Variants in PTPRE observed in about 807,000 individuals in gnomAD.
PTPRE encodes protein tyrosine phosphatase receptor type E.
A neutral mutation model predicts 102.0 loss-of-function variants in PTPRE; 51 were observed. The observed-to-expected ratio is 0.50, with a 90% CI of 0.40 to 0.63. PTPRE has a LOEUF of 0.63. Ranked by LOEUF, PTPRE falls within the 30% of genes least tolerant of loss-of-function variation. The pLI, the probability that PTPRE is intolerant of heterozygous loss-of-function variation, is 0.00. For missense variants in PTPRE, 752 were observed against 915.1 expected (o/e 0.82, Z 2.30); for synonymous variants, 345 against 348.2 (o/e 0.99, Z 0.10).
intron 2 of PTPRE, among the ~76,000 whole-genome samples, chr10:128,012,217 C>T (rs1007573985): frequency 6.6e-6 from 1 of 152,206 alleles, no homozygotes; most frequent in South Asian, 2.1e-4. Flanking sequence ...TGTTGGGGCT[C>T]TTTTCAGAGT....
chr10:127,937,589 T>C (rs1052553853), intron 1 of PTPRE, among the ~76,000 whole-genome samples: 1 of 152,218 alleles, frequency 6.6e-6, no homozygotes, highest in Non-Finnish European at 1.5e-5. Flanking sequence ...CTGGGCGTGG[T>C]GGCTCATGCC....
At chr10:128,071,619 C>G (rs1850775847) in intron 15 of PTPRE, 1 of 155,312 alleles carries the variant, frequency 6.4e-6, no homozygotes, top group African/African-American at 2.4e-5. Context: ...GGGAGATGCC[C>G]CGCTTGGGAG....
rs1326149988 is a variant in PTPRE at position 128,008,700 on chromosome 10, G to A, written c.-8+26404G>A. Among the ~76,000 whole-genome samples, 1 of 152,190 alleles carries A rather than the reference G, an allele frequency of 6.6e-6. No individual in the cohort carries two copies. Among genetic ancestry groups the A allele is most frequent in the Non-Finnish European group, 1.5e-5 (1 of 68,034 alleles). On this transcript the variant is annotated intron_variant, in intron 2 of 20. Coordinates refer to ENST00000254667, the MANE Select transcript of PTPRE (RefSeq NM_006504.6). The surrounding 1 kb of genome is among the most constrained non-coding windows in gnomAD (Gnocchi z 4.0). Reference sequence around the variant, plus strand: ...GTAATTCCGGCCAGGACTCAAGGATGTAAGAAGTAGGAGACGCAGGATCAG... The same window carrying A: ...GTAATTCCGGCCAGGACTCAAGGATATAAGAAGTAGGAGACGCAGGATCAG...
At position 128,085,650 on chromosome 10, in the gene PTPRE, TTAAC is replaced by T. The variant is rs1048791604; in HGVS notation, c.*2748_*2751del. ...TACTGATACTTTTTTGTTTGTTTGT[TTAAC>T]TAAGTTGTGTTTAACTTATGTGCAG... On this transcript the variant is annotated 3_prime_UTR_variant, in exon 21 of 21. Coordinates refer to ENST00000254667, the MANE Select transcript of PTPRE (RefSeq NM_006504.6). The T allele has an allele frequency of 1.0e-4, 16 of 152,850 alleles. No homozygotes were observed. The highest frequency in any genetic ancestry group is 3.4e-3 in the Middle Eastern group (1 of 294). The allele number at this position is 152,850 out of a possible 1,614,324, so 9.5% of individuals were successfully genotyped here.
rs4072675 is a variant in PTPRE at position 128,054,263 on chromosome 10, G to C, written c.421-1860G>C. Reference sequence around the variant, plus strand: ...GTTACTAGCAGAAGTCCACACGTCAGGGTTTGTGTGTTGCGCATTCTGTGG... The same window carrying C: ...GTTACTAGCAGAAGTCCACACGTCACGGTTTGTGTGTTGCGCATTCTGTGG... On this transcript the variant is annotated intron_variant, in intron 6 of 20. Transcript: ENST00000254667. 6.7e-3 allele frequency among the ~76,000 whole-genome samples: 1,013 copies of C among 152,228 alleles called. 16 individuals carry two copies. Among genetic ancestry groups the C allele is most frequent in the African/African-American group, 0.023 (973 of 41,530 alleles).
At chr10:128,013,513 G>C (rs1845178653) in intron 2 of PTPRE, among the ~76,000 whole-genome samples, 1 of 152,164 alleles carries the variant, frequency 6.6e-6, no homozygotes, top group South Asian at 2.1e-4. Context: ...CGGTCACATG[G>C]TAGACAGAGG....
intron 1 of PTPRE, among the ~76,000 whole-genome samples, chr10:127,914,832 C>T (rs1022924593): frequency 1.3e-5 from 2 of 152,168 alleles, no homozygotes; most frequent in Non-Finnish European, 2.9e-5. Flanking sequence ...GTGAGCCCTG[C>T]TTGCTGGGCA....
intron 2 of PTPRE, among the ~76,000 whole-genome samples, chr10:128,002,815 T>C (rs1854104606): frequency 6.9e-6 from 1 of 145,746 alleles, no homozygotes; most frequent in African/African-American, 2.6e-5. Context: ...CACCTCAGCC[T>C]CTCAAGTAGC....
chr10:127,911,124 C>G (rs1845842150), intron 1 of PTPRE, among the ~76,000 whole-genome samples: 1 of 152,080 alleles, frequency 6.6e-6, no homozygotes, highest in African/African-American at 2.4e-5. Context: ...ATACATGAAC[C>G]AAGCCAAAAA....
chr10:127,932,019 G>A (rs866181350), intron 1 of PTPRE, among the ~76,000 whole-genome samples: 1 of 152,026 alleles, frequency 6.6e-6, no homozygotes, highest in Non-Finnish European at 1.5e-5. Flanking sequence ...TTTCAATACC[G>A]TCTTCAATGG....
At chr10:128,021,029 G>A (rs1845833917) in intron 2 of PTPRE, among the ~76,000 whole-genome samples, 1 of 151,970 alleles carries the variant, frequency 6.6e-6, no homozygotes, top group Non-Finnish European at 1.5e-5. Flanking sequence ...CGAGTAGCTG[G>A]GACTACAGGT....
intron 2 of PTPRE, among the ~76,000 whole-genome samples, chr10:128,003,317 T>A (rs1199865679): frequency 6.6e-6 from 1 of 152,172 alleles, no homozygotes; most frequent in East Asian, 1.9e-4. Flanking sequence ...CACTGGGTGG[T>A]TGTCATTTTT....
chr10:128,071,344 T>G, intron 15 of PTPRE: 1 of 190,502 alleles, frequency 5.2e-6, no homozygotes, highest in Non-Finnish European at 1.1e-5. Flanking sequence ...TGAGACCACC[T>G]AGGAAAAGGC....
chr10:127,968,429 A>G (rs1850434171), intron 1 of PTPRE, among the ~76,000 whole-genome samples: 1 of 152,200 alleles, frequency 6.6e-6, no homozygotes, highest in Non-Finnish European at 1.5e-5. Context: ...CCCAGGGTCT[A>G]CGCAACAAAA....
At chr10:127,933,852 T>C (rs1257793172) in intron 1 of PTPRE, among the ~76,000 whole-genome samples, 1 of 152,204 alleles carries the variant, frequency 6.6e-6, no homozygotes, top group African/African-American at 2.4e-5. Context: ...TCCAGGCCCC[T>C]ACCGAAGTCC....
At chr10:127,968,009 G>GGGGTGTGT (rs1554903007) in intron 1 of PTPRE, among the ~76,000 whole-genome samples, 1 of 143,134 alleles carries the variant, frequency 7.0e-6, no homozygotes, top group Non-Finnish European at 1.5e-5. Flanking sequence ...TTGCTCTATA[G>GGGGTGTGT]GTGTGTGTGT....
chr10:128,011,571 C>T (rs902488736), intron 2 of PTPRE, among the ~76,000 whole-genome samples: 2 of 152,230 alleles, frequency 1.3e-5, no homozygotes, highest in Non-Finnish European at 2.9e-5. Flanking sequence ...TGCGCGGAAG[C>T]GTCCCCGTAG....
intron 2 of PTPRE, chr10:127,987,446 G>T: frequency 1.1e-6 from 1 of 875,068 alleles, no homozygotes; most frequent in Non-Finnish European, 1.6e-6. Context: ...TTTGTGTCAT[G>T]GTTGCTTCTA....
intron 2 of PTPRE, among the ~76,000 whole-genome samples, chr10:128,018,497 C>T (rs982970858): frequency 1.2e-4 from 19 of 152,202 alleles, no homozygotes; most frequent in African/African-American, 4.1e-4. Flanking sequence ...AATCTATATT[C>T]GTGAGGCTTT....
Sources: allele counts gnomAD v4.1 joint callset (sites outside exome capture counted in the v4.1 genomes callset), GRCh38; gene constraint gnomAD v4.1.1; non-coding constraint Gnocchi (gnomAD v3.1); transcripts MANE v1.5; gene names NCBI Gene and HGNC (gene_info 2026-07-23, HGNC 2026-07-21).